Variants in CRCP observed in about 807,000 individuals in gnomAD.
CRCP encodes the protein CGRP receptor component.
CRCP carries 18 observed loss-of-function variants against 18.5 expected under a neutral mutation model. The ratio of observed to expected loss-of-function variants is 0.97; its 90% CI spans 0.67 to 1.44. The LOEUF is 1.44. CRCP is among the 40% of genes most tolerant of loss of function. CRCP has a pLI of 0.00. For missense variants in CRCP, 130 were observed against 176.4 expected, an observed-to-expected ratio of 0.74 and a Z score of 1.49; for synonymous variants, 53 against 62.9, an observed-to-expected ratio of 0.84 and a Z score of 0.75.
At chr7:66,146,755 G>A (rs912076511) in intron 5 of CRCP, among the ~76,000 whole-genome samples, 2 of 152,164 alleles carry the variant, frequency 1.3e-5, no homozygotes, top group South Asian at 4.1e-4. Context: ...CCCGCCTGTA[G>A]GCTAAATAGA....
chr7:66,129,108 C>G (rs13231061), intron 2 of CRCP, among the ~76,000 whole-genome samples: 1 of 151,982 alleles, frequency 6.6e-6, no homozygotes, highest in Non-Finnish European at 1.5e-5. Context: ...CCGAGGCGGG[C>G]GGATCACGAG....
At chr7:66,123,460 T>A (rs1435590062) in intron 1 of CRCP, among the ~76,000 whole-genome samples, 10 of 152,144 alleles carry the variant, frequency 6.6e-5, no homozygotes. Flanking sequence ...TCTAAAAAAC[T>A]TTTAGATGCC....
intron 1 of CRCP, among the ~76,000 whole-genome samples, chr7:66,125,462 A>G (rs1169274428): frequency 6.7e-6 from 1 of 149,598 alleles, no homozygotes; most frequent in East Asian, 2.0e-4. Context: ...GGTTTTAAAA[A>G]AATTTATCTT....
intron 4 of CRCP, among the ~76,000 whole-genome samples, chr7:66,141,390 G>A (rs549988091): frequency 4.0e-5 from 6 of 151,842 alleles, no homozygotes; most frequent in Admixed American, 2.0e-4. Context: ...GCCCGTCCCC[G>A]CCTCTGATCT....
At chr7:66,115,969 TA>T (rs1234875546) in intron 1 of CRCP, among the ~76,000 whole-genome samples, 1 of 152,046 alleles carries the variant, frequency 6.6e-6, no homozygotes, top group African/African-American at 2.4e-5. Context: ...GCTAATTTTT[TA>T]AAAAAAGTTT....
intron 4 of CRCP, among the ~76,000 whole-genome samples, chr7:66,138,559 G>T (rs1788037350): frequency 6.7e-6 from 1 of 149,758 alleles, no homozygotes; most frequent in Non-Finnish European, 1.5e-5. Flanking sequence ...GCCGAGGCTG[G>T]CAGATCACGA....
At chr7:66,142,064 T>TA (rs200454937) in intron 4 of CRCP, among the ~76,000 whole-genome samples, 2,120 of 152,276 alleles carry the variant, frequency 0.014, 81 homozygotes, top group Admixed American at 0.081. Flanking sequence ...CTGTAGCTTT[T>TA]AGTCTTTGCG....
intron 2 of CRCP, among the ~76,000 whole-genome samples, chr7:66,130,518 A>T (rs185573864): frequency 9.2e-5 from 14 of 152,300 alleles, no homozygotes; most frequent in African/African-American, 3.4e-4. Flanking sequence ...AAATATTTTA[A>T]GTAAATTAAT....
At chr7:66,146,157 C>T (rs1477041102) in intron 5 of CRCP, among the ~76,000 whole-genome samples, 2 of 152,192 alleles carry the variant, frequency 1.3e-5, no homozygotes, top group Non-Finnish European at 2.9e-5. Flanking sequence ...CCCACATCAC[C>T]GTCAGAGATC....
intron 4 of CRCP, among the ~76,000 whole-genome samples, chr7:66,134,803 T>C (rs960531393): frequency 6.6e-6 from 1 of 152,112 alleles, no homozygotes; most frequent in African/African-American, 2.4e-5. Context: ...CATAACAAGC[T>C]TGGAATCGGG....
intron 5 of CRCP, among the ~76,000 whole-genome samples, chr7:66,149,521 A>G (rs561470995): frequency 6.6e-6 from 1 of 152,308 alleles, no homozygotes; most frequent in African/African-American, 2.4e-5. Context: ...CCAAGATTTG[A>G]TTATTTAACC....
At chr7:66,126,626 G>C (rs1469563297) in intron 1 of CRCP, 4 of 429,748 alleles carry the variant, frequency 9.3e-6, no homozygotes, top group African/African-American at 2.0e-5. Context: ...ACAAATAATA[G>C]CCTTCCATTA....
intron 3 of CRCP, among the ~76,000 whole-genome samples, chr7:66,132,223 G>A (rs539988775): frequency 9.9e-5 from 15 of 152,266 alleles, no homozygotes; most frequent in African/African-American, 3.6e-4. Flanking sequence ...AATTTTATTT[G>A]AATGCCCTGT....
intron 1 of CRCP, among the ~76,000 whole-genome samples, chr7:66,121,778 A>G (rs987228939): frequency 2.6e-5 from 4 of 152,168 alleles, no homozygotes; most frequent in Non-Finnish European, 4.4e-5. Context: ...TATCCTCTGT[A>G]CCATCTTTTT....
chr7:66,146,926 G>A (rs767295472), intron 5 of CRCP, among the ~76,000 whole-genome samples: 1 of 152,180 alleles, frequency 6.6e-6, no homozygotes, highest in Non-Finnish European at 1.5e-5. Context: ...GCTTTAATCA[G>A]CAACATATGT....
intron 2 of CRCP, among the ~76,000 whole-genome samples, chr7:66,129,142 G>A (rs2115919316): frequency 6.6e-6 from 1 of 152,204 alleles, no homozygotes; most frequent in African/African-American, 2.4e-5. Flanking sequence ...GAACATCCTG[G>A]CTAACACGGT....
chr7:66,116,800 C>T (rs924207544), intron 1 of CRCP, among the ~76,000 whole-genome samples: 2 of 152,054 alleles, frequency 1.3e-5, no homozygotes, highest in African/African-American at 4.8e-5. Context: ...CTTTCATCCT[C>T]ACTGGTCTAC....
chr7:66,120,205 AAG>A (rs1430613594), intron 1 of CRCP, among the ~76,000 whole-genome samples: 2 of 152,192 alleles, frequency 1.3e-5, no homozygotes, highest in Non-Finnish European at 1.5e-5. Flanking sequence ...AAAAAAGAAA[AAG>A]AAAAAAAAAT....
rs1788535512 is a variant in CRCP, at chr7:66,153,747, G to T, written c.*1390G>T. On this transcript the variant is annotated 3_prime_UTR_variant, in exon 6 of 6. Transcript: ENST00000395326. ...ACCATCTGAGCTTCAGCTGAAATCT[G>T]TTTATAGGCAACATTGAAAGTACCA... is the stretch of plus-strand genomic sequence containing the variant. 1 of 151,962 alleles carries T rather than the reference G, an allele frequency of 6.6e-6. No homozygotes were observed. Among genetic ancestry groups the T allele is most frequent in the Non-Finnish European group, 1.5e-5 (1 of 68,010 alleles). The allele number at this position is 151,962 out of a possible 1,614,324, so 9.4% of individuals were successfully genotyped here. A position where few individuals can be genotyped will look rare whatever the true frequency, so the allele number is the denominator to read the frequency against.
Sources: allele counts gnomAD v4.1 joint callset (sites outside exome capture counted in the v4.1 genomes callset), GRCh38; gene constraint gnomAD v4.1.1; transcripts MANE v1.5; gene names NCBI Gene and HGNC (gene_info 2026-07-23, HGNC 2026-07-21).